The following SHANK2 variants were observed in gnomAD, a reference collection of about 807,000 sequenced individuals.
SHANK2 encodes SH3 and multiple ankyrin repeat domains 2.
In SHANK2, 43 loss-of-function variants were observed where a neutral mutation model predicts 133.7. That is an observed-to-expected ratio of 0.32 (90% CI 0.25 to 0.41). The LOEUF is 0.41. SHANK2 is among the 10% of genes least tolerant of loss of function. The probability of loss-of-function intolerance (pLI) is 1.00; values close to 1 mark genes in which losing one functional copy is unlikely to be tolerated. For synonymous variants in SHANK2, 1,017 were observed against 952.8 expected (o/e 1.07, Z -1.24); for missense variants, 1,994 against 2,235.8 (o/e 0.89, Z 2.18).
At position 70,894,191 on chromosome 11, in the gene SHANK2, G is replaced by GTTTTGT. The variant is rs782491534; in HGVS notation, c.1174+2304_1174+2309dup. Reference sequence around the variant, plus strand: ...GGAAAGTCAGCCTGGTTTTTGTTTTGTTTTGTTTTTGTTTTTGTTTTGAGA... The same window carrying GTTTTGT: ...GGAAAGTCAGCCTGGTTTTTGTTTTGTTTTGTTTTTGTTTTTGTTTTTGTTTTGAGA... On this transcript the variant is annotated intron_variant, in intron 11 of 25. Coordinates refer to ENST00000601538, the MANE Select transcript of SHANK2 (RefSeq NM_012309.5). Among the ~76,000 whole-genome samples the GTTTTGT allele has an allele frequency of 1.9e-3, 291 of 152,218 alleles. 2 individuals carry two copies. Among genetic ancestry groups the GTTTTGT allele is most frequent in the African/African-American group, 6.4e-3 (266 of 41,538 alleles).
At chr11:70,773,054 G>A (rs782297048) in intron 14 of SHANK2, among the ~76,000 whole-genome samples, 35 of 152,098 alleles carry the variant, frequency 2.3e-4, no homozygotes, top group African/African-American at 3.1e-4. Context: ...CCCAGTCTCC[G>A]CCCATCCCCA....
rs112389531 is a variant in SHANK2 at position 70,502,993 on chromosome 11, C to T, written c.2062-62G>A. The T allele has an allele frequency of 8.8e-6, 14 of 1,585,874 alleles. 1 individual carries two copies. Among genetic ancestry groups the T allele is most frequent in the African/African-American group, 6.7e-5 (5 of 74,422 alleles). ...CAGCGGAGAGGAAGACAGTTGGCAC[C>T]CACCCAAGGCAGAGACATGTGGGCT... On this transcript the variant is annotated intron_variant, in intron 17 of 25. Coordinates refer to ENST00000601538, the MANE Select transcript of SHANK2 (RefSeq NM_012309.5).
chr11:71,119,923 T>C (rs1164124856), intron 3 of SHANK2, among the ~76,000 whole-genome samples: 2 of 152,168 alleles, frequency 1.3e-5, no homozygotes, highest in Non-Finnish European at 1.5e-5. Flanking sequence ...CCTTGTCTTA[T>C]AACCACACTG....
rs539545916 is a variant in SHANK2 at position 71,129,967 on chromosome 11, T to C, written c.208-10935A>G. ...GGGCTGGTTCCTCTGGAGGCCTCTC[T>C]TCCTGGCTTGCAGACGGCCACCTTC... is the stretch of plus-strand genomic sequence containing the variant. On this transcript the variant is annotated intron_variant, in intron 3 of 25. Coordinates refer to ENST00000601538, the MANE Select transcript of SHANK2 (RefSeq NM_012309.5). Among the ~76,000 whole-genome samples the C allele has an allele frequency of 4.6e-5, 7 of 152,310 alleles. No homozygotes were observed. In the South Asian group the frequency reaches 1.0e-3, roughly 23 times the overall value.
intron 11 of SHANK2, among the ~76,000 whole-genome samples, chr11:70,840,712 C>A (rs1948889945): frequency 6.6e-6 from 1 of 152,146 alleles, no homozygotes; most frequent in African/African-American, 2.4e-5. Context: ...AAGTGGGAGC[C>A]TGGGGAGGGC....
Position 70,642,994 on chromosome 11 carries a change from T to G in SHANK2, c.2061+16834A>C, listed in dbSNP as rs562173157. Among the ~76,000 whole-genome samples, 6 of 152,196 alleles carry G rather than the reference T, an allele frequency of 3.9e-5. No individual in the cohort carries two copies. The South Asian group carries it at 1.2e-3, about 32-fold the overall frequency. ...CATGTTGGAGGTGACGACATCGCAG[T>G]TATCCTGATTTGATCCTTAGACATC... On this transcript the variant is annotated intron_variant, in intron 17 of 25. Coordinates refer to ENST00000601538, the MANE Select transcript of SHANK2 (RefSeq NM_012309.5).
chr11:71,150,417 G>A (rs1331069486), intron 2 of SHANK2, among the ~76,000 whole-genome samples: 1 of 146,014 alleles, frequency 6.8e-6, no homozygotes, highest in Admixed American at 6.8e-5. Context: ...AGGGAGGGAG[G>A]AAGGGAGGGA....
chr11:71,208,758 C>T (rs1338953827), intron 2 of SHANK2, among the ~76,000 whole-genome samples: 3 of 152,116 alleles, frequency 2.0e-5, no homozygotes, highest in South Asian at 2.1e-4. Context: ...AGGTTGGAGG[C>T]TTAACAAGAG....
At chr11:70,540,802 TCACGC>T (rs2059611227) in intron 17 of SHANK2, among the ~76,000 whole-genome samples, 1 of 128,102 alleles carries the variant, frequency 7.8e-6, no homozygotes, top group Non-Finnish European at 1.6e-5. Context: ...TGAGCTGAAA[TCACGC>T]CACTGCACTC....
intron 11 of SHANK2, among the ~76,000 whole-genome samples, chr11:70,822,613 T>G (rs376466821): frequency 0.019 from 948 of 49,366 alleles, no homozygotes; most frequent in Admixed American, 0.021. Context: ...ACTGGCAGAG[T>G]TCACGGGGGA....
At chr11:70,801,063 T>C (rs1445026049) in intron 13 of SHANK2, among the ~76,000 whole-genome samples, 1 of 152,202 alleles carries the variant, frequency 6.6e-6, no homozygotes, top group Non-Finnish European at 1.5e-5. Flanking sequence ...GACAATACTA[T>C]CTAGCTCATA....
At chr11:71,154,049 G>T (rs1357562498) in intron 2 of SHANK2, among the ~76,000 whole-genome samples, 2 of 152,172 alleles carry the variant, frequency 1.3e-5, no homozygotes, top group Admixed American at 1.3e-4. Context: ...CAAAAGAAAA[G>T]AAGGTTTTTA....
intron 8 of SHANK2, among the ~76,000 whole-genome samples, chr11:71,087,506 A>G (rs1043428557): frequency 2.6e-5 from 4 of 152,114 alleles, no homozygotes; most frequent in African/African-American, 9.7e-5. Flanking sequence ...CAACAGGAAA[A>G]CAGCAATGCA....
At chr11:71,217,653 A>G (rs901215620) in intron 2 of SHANK2, among the ~76,000 whole-genome samples, 1 of 152,196 alleles carries the variant, frequency 6.6e-6, no homozygotes, top group Non-Finnish European at 1.5e-5. Context: ...GTGAAAGACA[A>G]TGGTATTGAA....
chr11:70,746,334 CCTCTCCCACCACA>C (rs1355792032), intron 14 of SHANK2, among the ~76,000 whole-genome samples: 3 of 151,844 alleles, frequency 2.0e-5, no homozygotes, highest in African/African-American at 7.3e-5. Flanking sequence ...GCCCCCATCT[CCTCTCCCACCACA>C]CTCTCCCGCC....
In SHANK2 at chr11:70,912,465, C is replaced by T. The variant is rs113291616; in HGVS notation, c.1108-15898G>A. ...GCTATTCTTGTGATAGTGAATAAGT[C>T]TCAGGAGATCTCATAGGTTTACCAG... On this transcript the variant is annotated intron_variant, in intron 10 of 25. Coordinates refer to ENST00000601538, the MANE Select transcript of SHANK2 (RefSeq NM_012309.5). 5.2e-3 allele frequency among the ~76,000 whole-genome samples: 790 copies of T among 152,206 alleles called. 8 individuals carry two copies. Among genetic ancestry groups the T allele is most frequent in the African/African-American group, 0.018 (767 of 41,534 alleles).
At chr11:70,594,386 T>C (rs1028241091) in intron 17 of SHANK2, among the ~76,000 whole-genome samples, 3 of 152,172 alleles carry the variant, frequency 2.0e-5, no homozygotes, top group Non-Finnish European at 4.4e-5. Flanking sequence ...AGTCACACAG[T>C]TGGCCCTGAG....
At chr11:70,596,514 C>T (rs1554989591) in intron 17 of SHANK2, among the ~76,000 whole-genome samples, 1 of 152,232 alleles carries the variant, frequency 6.6e-6, no homozygotes, top group African/African-American at 2.4e-5. Flanking sequence ...GACCCACCCC[C>T]ACCAGGCCTT....
intron 9 of SHANK2, among the ~76,000 whole-genome samples, chr11:71,071,296 T>C (rs1349368791): frequency 6.6e-6 from 1 of 152,212 alleles, no homozygotes; most frequent in Non-Finnish European, 1.5e-5. Context: ...CCCCGTGGCA[T>C]ACCTAGGGAC....
Sources: allele counts gnomAD v4.1 joint callset (sites outside exome capture counted in the v4.1 genomes callset), GRCh38; gene constraint gnomAD v4.1.1; transcripts MANE v1.5; gene names NCBI Gene and HGNC (gene_info 2026-07-23, HGNC 2026-07-21).